Variants in CTNNA3 observed in about 807,000 individuals in gnomAD.
CTNNA3 encodes catenin alpha-3.
Under a neutral mutation model 95.7 loss-of-function variants are expected in CTNNA3, and 76 were observed. The ratio of observed to expected loss-of-function variants is 0.79; its 90% CI spans 0.66 to 0.96. The LOEUF (loss-of-function observed/expected upper bound fraction) is 0.96. CTNNA3 is among the 40% of genes least tolerant of loss of function. The pLI is 0.00. For missense variants in CTNNA3, 1,191 were observed against 1,089.8 expected, an observed-to-expected ratio of 1.09 and a Z score of -1.31; for synonymous variants, 431 against 374.4, an observed-to-expected ratio of 1.15 and a Z score of -1.74.
At chr10:67,125,286 A>G (rs1859667051) in intron 7 of CTNNA3, among the ~76,000 whole-genome samples, 1 of 152,198 alleles carries the variant, frequency 6.6e-6, no homozygotes, top group African/African-American at 2.4e-5. Context: ...ATAAAATTAA[A>G]ATACTGATTT....
intron 1 of CTNNA3, among the ~76,000 whole-genome samples, chr10:67,747,211 G>A (rs1389739951): frequency 2.0e-5 from 3 of 152,076 alleles, no homozygotes; most frequent in South Asian, 2.1e-4. Flanking sequence ...CGCTAGCTCT[G>A]AGGAATATGA....
At chr10:67,180,021 G>A (rs557644398) in intron 7 of CTNNA3, among the ~76,000 whole-genome samples, 12 of 151,954 alleles carry the variant, frequency 7.9e-5, no homozygotes, top group Non-Finnish European at 1.6e-4. Flanking sequence ...AAATTGATGT[G>A]CAACTCTAGT....
At chr10:66,288,765 G>A (rs2091632123) in intron 12 of CTNNA3, among the ~76,000 whole-genome samples, 1 of 151,982 alleles carries the variant, frequency 6.6e-6, no homozygotes, top group Non-Finnish European at 1.5e-5. Flanking sequence ...TTTAATGTTG[G>A]ATGAGTGATA....
rs3053735 is a variant in CTNNA3 at position 66,225,390 on chromosome 10, AATATATATATAT to A, written c.1884+55068_1884+55079del. Among the ~76,000 whole-genome samples, 882 of 125,970 alleles carry A rather than the reference AATATATATATAT, an allele frequency of 7.0e-3. 8 individuals carry two copies. The highest frequency in any genetic ancestry group is 0.025 in the African/African-American group (816 of 32,220). 82.6% of individuals were successfully genotyped at this position (125,970 alleles called of 152,430 possible). A position where few individuals can be genotyped will look rare whatever the true frequency, so the allele number is the denominator to read the frequency against. The stretch of plus-strand genomic sequence containing the variant: ...GACAGGATTTCATTCATTTTATTCA[AATATATATATAT>A]ATATATATATATATATATATGAATG... On this transcript the variant is annotated intron_variant, in intron 13 of 17. Transcript: ENST00000433211.
chr10:65,931,658 G>A (rs2077255439), intron 17 of CTNNA3, among the ~76,000 whole-genome samples: 1 of 152,204 alleles, frequency 6.6e-6, no homozygotes, highest in African/African-American at 2.4e-5. Flanking sequence ...AAGTGTCTGT[G>A]ATCGGGAAAT....
Position 66,103,662 on chromosome 10 carries a change from G to A in CTNNA3, c.1885-413C>T, listed in dbSNP as rs2081746702. Among the ~76,000 whole-genome samples, 3 of 152,316 alleles carry A rather than the reference G, an allele frequency of 2.0e-5. No homozygotes were observed. The South Asian group carries it at 6.2e-4, about 32-fold the overall frequency. Reference sequence around the variant, plus strand: ...TTGTATGATCCTGTTTACATGAAATGTCTGCAATTGGCAAATCTATAGCAA... The same window carrying A: ...TTGTATGATCCTGTTTACATGAAATATCTGCAATTGGCAAATCTATAGCAA... On this transcript the variant is annotated intron_variant, in intron 13 of 17. Coordinates refer to ENST00000433211, the MANE Select transcript of CTNNA3 (RefSeq NM_013266.4).
At chr10:66,664,889 T>TAAAAAAAA (rs56801434) in intron 9 of CTNNA3, among the ~76,000 whole-genome samples, 12 of 134,526 alleles carry the variant, frequency 8.9e-5, no homozygotes, top group Non-Finnish European at 9.7e-5. Context: ...CTGAAAAAAT[T>TAAAAAAAA]AAAAAAAAAA....
intron 8 of CTNNA3, among the ~76,000 whole-genome samples, chr10:66,769,719 C>G (rs10822913): frequency 0.85 from 129,418 of 152,246 alleles, 55,308 homozygotes; most frequent in East Asian, 1. Flanking sequence ...TCAACCTATG[C>G]GGATAGAAAC....
At chr10:66,464,026 AACTT>A (rs1486424645) in intron 11 of CTNNA3, among the ~76,000 whole-genome samples, 8 of 152,058 alleles carry the variant, frequency 5.3e-5, no homozygotes, top group African/African-American at 1.9e-4. Context: ...ATTTGATTAA[AACTT>A]ACTTATTACT....
chr10:66,959,794 TCA>T, intron 7 of CTNNA3, among the ~76,000 whole-genome samples: 1 of 152,274 alleles, frequency 6.6e-6, no homozygotes, highest in East Asian at 1.9e-4. Context: ...GACCAGAAAC[TCA>T]GGAGTAAGAA....
intron 14 of CTNNA3, among the ~76,000 whole-genome samples, chr10:66,095,457 T>A (rs1215865996): frequency 1.3e-5 from 2 of 152,118 alleles, no homozygotes; most frequent in African/African-American, 4.8e-5. Context: ...CCAAATTAGA[T>A]CATGAAGATG....
chr10:66,044,016 G>C (rs754555855), intron 15 of CTNNA3, among the ~76,000 whole-genome samples: 1 of 151,376 alleles, frequency 6.6e-6, no homozygotes, highest in Non-Finnish European at 1.5e-5. Context: ...CTGTGTTTGA[G>C]ATGGAGTCTC....
At chr10:67,007,320 G>A (rs985761330) in intron 7 of CTNNA3, among the ~76,000 whole-genome samples, 3 of 151,874 alleles carry the variant, frequency 2.0e-5, no homozygotes, top group African/African-American at 7.3e-5. Context: ...TTTGGATATT[G>A]AAATTAAAGT....
At position 67,140,409 on chromosome 10, in the gene CTNNA3, G is replaced by A. The variant is rs78339543; in HGVS notation, c.1047+39908C>T. ...GCATTAATAGTCCAGCTCTAACACA[G>A]AAGAAGCATTCGATTTATATTAATA... On this transcript the variant is annotated intron_variant, in intron 7 of 17. Transcript: ENST00000433211. Among the ~76,000 whole-genome samples the A allele has an allele frequency of 3.8e-3, 576 of 152,176 alleles. 12 individuals are homozygous for A. The East Asian group carries it at 0.058, about 15-fold the overall frequency.
At chr10:66,578,784 C>CTTTTT (rs71035156) in intron 10 of CTNNA3, among the ~76,000 whole-genome samples, 5 of 143,266 alleles carry the variant, frequency 3.5e-5, no homozygotes, top group Admixed American at 7.0e-5. Flanking sequence ...ATTTTTCTTT[C>CTTTTT]TTTTTTTTTT....
At position 66,034,339 on chromosome 10, in the gene CTNNA3, C is replaced by T. The variant is rs534788326; in HGVS notation, c.2159+34969G>A. Among the ~76,000 whole-genome samples the T allele has an allele frequency of 5.9e-5, 9 of 152,134 alleles. No individual in the cohort carries two copies. The East Asian group carries it at 1.7e-3, about 29-fold the overall frequency. ...ATACTGTGAAGTTCTCGGCATACTTCTCTATTCAATTTTCATCCATATCTG... is the reference window on the plus strand; with the variant it reads ...ATACTGTGAAGTTCTCGGCATACTTTTCTATTCAATTTTCATCCATATCTG... On this transcript the variant is annotated intron_variant, in intron 15 of 17. Coordinates refer to ENST00000433211, the MANE Select transcript of CTNNA3 (RefSeq NM_013266.4).
chr10:66,487,405 A>T (rs1191577657), intron 11 of CTNNA3, among the ~76,000 whole-genome samples: 1 of 151,412 alleles, frequency 6.6e-6, no homozygotes, highest in Non-Finnish European at 1.5e-5. Context: ...GTTTCACCGT[A>T]TTAGCCAGGA....
chr10:67,090,216 T>C (rs1857548699), intron 7 of CTNNA3, among the ~76,000 whole-genome samples: 1 of 152,084 alleles, frequency 6.6e-6, no homozygotes, highest in Non-Finnish European at 1.5e-5. Context: ...CTCTTCTTTC[T>C]ATGCCTTGTA....
intron 17 of CTNNA3, among the ~76,000 whole-genome samples, chr10:65,954,814 T>C (rs1297323949): frequency 1.3e-5 from 2 of 152,194 alleles, no homozygotes; most frequent in African/African-American, 4.8e-5. Flanking sequence ...TGAAGTCAGG[T>C]AGCATGATGC....
Sources: allele counts gnomAD v4.1 joint callset (sites outside exome capture counted in the v4.1 genomes callset), GRCh38; gene constraint gnomAD v4.1.1; transcripts MANE v1.5; gene names NCBI Gene and HGNC (gene_info 2026-07-23, HGNC 2026-07-21).